The following ATP2B2 variants were observed in gnomAD, a reference collection of about 807,000 sequenced individuals.
ATP2B2 encodes the protein plasma membrane calcium-transporting ATPase 2.
In ATP2B2, 15 loss-of-function variants were observed where a neutral mutation model predicts 120.0. That is an observed-to-expected ratio of 0.12 (90% CI 0.08 to 0.19). ATP2B2 has a LOEUF of 0.19. Ranked by LOEUF, ATP2B2 falls within the 10% of genes least tolerant of loss-of-function variation. The probability of loss-of-function intolerance (pLI) is 1.00; values close to 1 mark genes in which losing one functional copy is unlikely to be tolerated. For synonymous variants in ATP2B2, 694 were observed against 700.3 expected, an observed-to-expected ratio of 0.99 and a Z score of 0.14; for missense variants, 1,045 against 1,719.8, an observed-to-expected ratio of 0.61 and a Z score of 6.94.
At chr3:10,385,561 T>G (rs916506526) in intron 7 of ATP2B2, among the ~76,000 whole-genome samples, 4 of 152,066 alleles carry the variant, frequency 2.6e-5, no homozygotes, top group Non-Finnish European at 5.9e-5. Flanking sequence ...TAAAGCATGG[T>G]GGATGACCAG....
At chr3:10,481,920 T>A (rs1432025888) in intron 1 of ATP2B2, among the ~76,000 whole-genome samples, 2 of 152,226 alleles carry the variant, frequency 1.3e-5, no homozygotes, top group Non-Finnish European at 2.9e-5. Context: ...ATTGTCTATG[T>A]CCCTCCACTA....
chr3:10,530,974 A>C (rs7618217), intron 3 of ATP2B2, among the ~76,000 whole-genome samples: 48,450 of 152,002 alleles, frequency 0.32, 8,088 homozygotes, highest in South Asian at 0.47. Flanking sequence ...TTTTCCATAA[A>C]CGTTTTCTGA....
Position 10,327,552 on chromosome 3 carries a change from C to G in ATP2B2, c.*1262G>C, listed in dbSNP as rs1317421252. 6.6e-6 allele frequency: 1 copy of G among 152,480 alleles called. No individual in the cohort carries two copies. Among genetic ancestry groups the G allele is most frequent in the Non-Finnish European group, 1.5e-5 (1 of 67,998 alleles). 9.4% of individuals were successfully genotyped at this position (152,480 alleles called of 1,614,324 possible). ...TAAGTTACTAAATAAAAAAAAAAATCAACACAATACCATTTATAATATTTC... is the reference window on the plus strand; with the variant it reads ...TAAGTTACTAAATAAAAAAAAAAATGAACACAATACCATTTATAATATTTC... On this transcript the variant is annotated 3_prime_UTR_variant, in exon 23 of 23. Coordinates refer to ENST00000360273, the MANE Select transcript of ATP2B2 (RefSeq NM_001001331.4).
chr3:10,538,778 G>A (rs2067371972), intron 2 of ATP2B2, among the ~76,000 whole-genome samples: 1 of 152,122 alleles, frequency 6.6e-6, no homozygotes, highest in South Asian at 2.1e-4. Flanking sequence ...CATACTGAAT[G>A]GGCAAAAACT....
chr3:10,385,750 A>G (rs2075315), intron 7 of ATP2B2, among the ~76,000 whole-genome samples: 24,531 of 152,184 alleles, frequency 0.16, 3,539 homozygotes, highest in African/African-American at 0.37. Context: ...ACCACTCAGA[A>G]TGAGTATTCT....
rs565949047 is a variant in ATP2B2 at position 10,384,282 on chromosome 3, A to T, written c.1000+986T>A. The stretch of plus-strand genomic sequence containing the variant: ...TGAATGATATGATATAATGGATGAG[A>T]AACCCACAGCCCAGTGCCTGGTATG... On this transcript the variant is annotated intron_variant, in intron 8 of 22. Coordinates refer to ENST00000360273, the MANE Select transcript of ATP2B2 (RefSeq NM_001001331.4). Among the ~76,000 whole-genome samples, 20 of 152,306 alleles carry T rather than the reference A, an allele frequency of 1.3e-4. 1 individual carries two copies. In the East Asian group the frequency reaches 3.9e-3, roughly 29 times the overall value.
At chr3:10,494,365 G>C (rs2066056494) in intron 1 of ATP2B2, among the ~76,000 whole-genome samples, 1 of 152,076 alleles carries the variant, frequency 6.6e-6, no homozygotes, top group South Asian at 2.1e-4. Context: ...TAGTATTTTT[G>C]CCCATTTTAC....
chr3:10,397,591 A>G (rs2062081041), intron 5 of ATP2B2, among the ~76,000 whole-genome samples: 1 of 152,090 alleles, frequency 6.6e-6, no homozygotes, highest in South Asian at 2.1e-4. Context: ...GATGGAAAAA[A>G]GTTAAGTGGG....
chr3:10,656,878 C>G (rs1247199619), intron 1 of ATP2B2, among the ~76,000 whole-genome samples: 1 of 152,196 alleles, frequency 6.6e-6, no homozygotes, highest in African/African-American at 2.4e-5. Flanking sequence ...GAAGAGGGCA[C>G]AGCAAATGCT....
rs574402898 is a variant in ATP2B2, at chr3:10,340,703, G to A, written c.2919C>T (p.Gly973=). The part of the protein sequence containing the change: ...LALIFTLLFV[G]EKMFQIDSGR... ...CGCTGTCGATCTGGAACATCTTCTC[G>A]CCTGCCAAGTGAGAGAGTGGGGCTG... Residue 973 remains glycine, a splice_region_variant and synonymous_variant, in exon 20 of 23, where the codon GGC becomes GGT. Transcript: ENST00000360273. This position sits in a 1 kb window ranked among gnomAD's most constrained non-coding sequence, Gnocchi z 5.0. 7.4e-6 allele frequency: 12 copies of A among 1,613,912 alleles called. No individual in the cohort carries two copies. The highest frequency in any genetic ancestry group is 1.6e-4 in the Middle Eastern group (1 of 6,062).
chr3:10,351,494 G>T (rs1215676813), intron 14 of ATP2B2, among the ~76,000 whole-genome samples: 2 of 152,222 alleles, frequency 1.3e-5, no homozygotes, highest in Non-Finnish European at 1.5e-5. Flanking sequence ...AGCCTGGAAG[G>T]GCTCAGTCTG....
In ATP2B2 at chr3:10,402,324, G is replaced by A; in HGVS notation, c.422C>T (p.Ala141Val). The change falls in exon 4 of 23, where the codon GCA becomes GTA. Residue 141 changes from alanine (A) to valine (V), a missense_variant. Physicochemically the swap from Ala to Val is moderately conservative, Grantham distance 64. Coordinates refer to ENST00000360273, the MANE Select transcript of ATP2B2 (RefSeq NM_001001331.4). The surrounding 1 kb of genome is among the most constrained non-coding windows in gnomAD (Gnocchi z 4.9). Reference protein sequence around the residue: ...NEGCATAQGGAEDEGEAEAGW... With the variant: ...NEGCATAQGGVEDEGEAEAGW... ...TGCCTCTGCCTCTCCTTCATCCTCTGCCCCACCCTGGGCCGTCGCACATCC... is the reference window on the plus strand; with the variant it reads ...TGCCTCTGCCTCTCCTTCATCCTCTACCCCACCCTGGGCCGTCGCACATCC... 6.2e-7 allele frequency: 1 copy of A among 1,613,930 alleles called. No individual in the cohort carries two copies. Among genetic ancestry groups the A allele is most frequent in the Non-Finnish European group, 8.5e-7 (1 of 1,180,038 alleles).
At chr3:10,643,823 A>G (rs1236593603) in intron 1 of ATP2B2, among the ~76,000 whole-genome samples, 1 of 152,238 alleles carries the variant, frequency 6.6e-6, no homozygotes, top group East Asian at 1.9e-4. Context: ...AGGAAAAAAA[A>G]ATGGGTCAAT....
intron 22 of ATP2B2, among the ~76,000 whole-genome samples, chr3:10,333,353 C>T (rs1219001544): frequency 2.6e-5 from 4 of 152,024 alleles, no homozygotes; most frequent in South Asian, 2.1e-4. Context: ...GGTAGTGGGG[C>T]GGCCCACTTC....
At chr3:10,674,478 T>C (rs2071195994) in intron 1 of ATP2B2, among the ~76,000 whole-genome samples, 1 of 152,216 alleles carries the variant, frequency 6.6e-6, no homozygotes, top group East Asian at 1.9e-4. Context: ...GTATACACAA[T>C]GCATAGCAAG....
chr3:10,502,105 A>G (rs750872742), intron 1 of ATP2B2, among the ~76,000 whole-genome samples: 4 of 152,344 alleles, frequency 2.6e-5, no homozygotes, highest in Middle Eastern at 3.4e-3. Flanking sequence ...GGCTCTGCAC[A>G]TAGCATAAGC....
At chr3:10,359,750 C>T in intron 13 of ATP2B2, 132 bp downstream of exon 13, 2 of 1,337,290 alleles carry the variant, frequency 1.5e-6, no homozygotes, top group Non-Finnish European at 2.1e-6. Flanking sequence ...GCTCTGGGTG[C>T]TAGACGGCCA....
At chr3:10,365,667 GGT>G (rs971115534) in intron 12 of ATP2B2, among the ~76,000 whole-genome samples, 3 of 148,942 alleles carry the variant, frequency 2.0e-5, no homozygotes, top group Non-Finnish European at 3.0e-5. Context: ...GTATGTGTGT[GGT>G]GTGTGTGTGT....
chr3:10,636,098 T>C (rs2070014203), intron 1 of ATP2B2, among the ~76,000 whole-genome samples: 1 of 152,198 alleles, frequency 6.6e-6, no homozygotes, highest in African/African-American at 2.4e-5. Flanking sequence ...GGGGTCAAGA[T>C]GTGGATAAGA....
Sources: gnomAD v4.1 joint callset for allele counts (sites outside exome capture counted in the v4.1 genomes callset) on GRCh38, gnomAD v4.1.1 for gene constraint, Gnocchi (gnomAD v3.1) non-coding constraint, MANE v1.5 for transcripts, NCBI Gene and HGNC (gene_info 2026-07-23, HGNC 2026-07-21) for gene names.